NAV1: variants seen among roughly 807,000 people sequenced by gnomAD.
NAV1 encodes neuron navigator 1.
In NAV1, 18 loss-of-function variants were observed where a neutral mutation model predicts 175.2. That is an observed-to-expected ratio of 0.10 (90% CI 0.07 to 0.15). NAV1 has a LOEUF of 0.15. NAV1 is among the 10% of genes least tolerant of loss of function. The pLI is 1.00. For synonymous variants in NAV1, 897 were observed against 978.7 expected (o/e 0.92, Z 1.56); for missense variants, 1,731 against 2,436.6 (o/e 0.71, Z 6.10).
At chr1:201,755,517 T>C (rs1674400767) in intron 3 of NAV1, among the ~76,000 whole-genome samples, 1 of 152,124 alleles carries the variant, frequency 6.6e-6, no homozygotes, top group African/African-American at 2.4e-5. Context: ...TTAACTTAGT[T>C]TTTATTGTTA....
intron 3 of NAV1, among the ~76,000 whole-genome samples, chr1:201,719,291 C>G (rs1012904584): frequency 6.6e-6 from 1 of 152,038 alleles, no homozygotes; most frequent in African/African-American, 2.4e-5. Context: ...GCCAGGGGTT[C>G]GTAACCCCTC....
chr1:201,816,091 T>C (rs1162650448), intron 28 of NAV1, among the ~76,000 whole-genome samples: 1 of 151,816 alleles, frequency 6.6e-6, no homozygotes, highest in Non-Finnish European at 1.5e-5. Context: ...TGAGGTAAAG[T>C]CAGGTGCAGT....
At chr1:201,597,101 C>A (rs928741354) in intron 2 of NAV1, among the ~76,000 whole-genome samples, 2 of 152,194 alleles carry the variant, frequency 1.3e-5, no homozygotes, top group African/African-American at 4.8e-5. Context: ...GCTGGGATTA[C>A]AGACGTGAGC....
At chr1:201,801,416 C>G (rs190158495) in intron 15 of NAV1, among the ~76,000 whole-genome samples, 3 of 152,332 alleles carry the variant, frequency 2.0e-5, no homozygotes, top group Non-Finnish European at 4.4e-5. Flanking sequence ...CACTTTACTA[C>G]TCCCCTTCCT....
chr1:201,654,538 A>C (rs930786680), intron 1 of NAV1, among the ~76,000 whole-genome samples: 12 of 152,142 alleles, frequency 7.9e-5, no homozygotes, highest in Admixed American at 2.6e-4. Context: ...CCTGAGGGTG[A>C]AGGTGCAAGC....
intron 4 of NAV1, 87 bp from the exon 9 acceptor site, chr1:201,780,925 A>G (rs1165004572): frequency 1.4e-6 from 2 of 1,413,340 alleles, no homozygotes; most frequent in East Asian, 2.3e-5. Flanking sequence ...GAGCAGCGCC[A>G]GGTACTAACT....
intron 3 of NAV1, among the ~76,000 whole-genome samples, chr1:201,721,809 G>A (rs566236089): frequency 6.6e-6 from 1 of 152,268 alleles, no homozygotes; most frequent in East Asian, 1.9e-4. Context: ...ATCCGAGTGA[G>A]CCATAAAAGA....
At chr1:201,775,520 A>G (rs1053456029) in intron 3 of NAV1, among the ~76,000 whole-genome samples, 1 of 152,214 alleles carries the variant, frequency 6.6e-6, no homozygotes, top group African/African-American at 2.4e-5. Flanking sequence ...TGAGTGTCCC[A>G]GTCTTCCATA....
At chr1:201,553,923 C>T (rs1200239400) in intron 1 of NAV1, among the ~76,000 whole-genome samples, 5 of 152,180 alleles carry the variant, frequency 3.3e-5, no homozygotes, top group Non-Finnish European at 5.9e-5. Context: ...CGGTAGGATT[C>T]ACATCTATCC....
intron 1 of NAV1, among the ~76,000 whole-genome samples, chr1:201,650,661 G>C (rs1265619957): frequency 2.0e-5 from 3 of 152,344 alleles, no homozygotes; most frequent in East Asian, 3.9e-4. Flanking sequence ...GACCGGTTCG[G>C]CCTGCTGCAG....
Position 201,656,084 on chromosome 1 carries a change from C to T in NAV1, c.757+6659C>T, listed in dbSNP as rs116677023. On this transcript the variant is annotated intron_variant, in intron 1 of 29. Transcript: ENST00000367296. ...TCCCTGCCAGCGCTGTTGTATGTTG[C>T]GTGTTTGACACACACTTCTCCAACT... Among the ~76,000 whole-genome samples the T allele has an allele frequency of 5.0e-3, 762 of 152,328 alleles. 3 individuals carry two copies. The highest frequency in any genetic ancestry group is 0.017 in the African/African-American group (707 of 41,570).
At chr1:201,707,043 C>T (rs148288605) in intron 1 of NAV1, among the ~76,000 whole-genome samples, 255 of 152,232 alleles carry the variant, frequency 1.7e-3, no homozygotes, top group Non-Finnish European at 2.1e-3. Flanking sequence ...CCCAAGAGAA[C>T]GGGATTGAAG....
chr1:201,639,266 AAGG>A (rs1668685091), intron 2 of NAV1, among the ~76,000 whole-genome samples: 1 of 152,218 alleles, frequency 6.6e-6, no homozygotes, highest in African/African-American at 2.4e-5. Context: ...ACTGGCCTCT[AAGG>A]CAGCCAGATA....
chr1:201,543,702 T>G (rs1333458635), intron 1 of NAV1, among the ~76,000 whole-genome samples: 1 of 152,234 alleles, frequency 6.6e-6, no homozygotes, highest in Non-Finnish European at 1.5e-5. Flanking sequence ...TAGCCACTTC[T>G]AAATGTACAG....
chr1:201,812,326 T>C lies in NAV1; in HGVS notation c.5025-139T>C. On this transcript the variant is annotated intron_variant, in intron 26 of 29. Transcript: ENST00000367296. This position sits in a 1 kb window ranked among gnomAD's most constrained non-coding sequence, Gnocchi z 4.6. Reference sequence around the variant, plus strand: ...CCAGGGCTGCTGCTCTGAGTTCCGATGTCCCCACTATTACTTGAAAAGAAA... The same window carrying C: ...CCAGGGCTGCTGCTCTGAGTTCCGACGTCCCCACTATTACTTGAAAAGAAA... The C allele has an allele frequency of 1.4e-5, 11 of 814,362 alleles. No homozygotes were observed. In the South Asian group the frequency reaches 1.5e-4, roughly 11 times the overall value. The allele number at this position is 814,362 out of a possible 1,614,324, so 50.4% of individuals were successfully genotyped here.
chr1:201,674,866 A>G (rs1670182228), intron 1 of NAV1, among the ~76,000 whole-genome samples: 2 of 151,868 alleles, frequency 1.3e-5, no homozygotes, highest in Admixed American at 6.6e-5. Flanking sequence ...GTGAAACCCA[A>G]TCTCTACTAA....
chr1:201,628,976 A>T (rs1341271774), intron 1 of NAV1, among the ~76,000 whole-genome samples: 1 of 152,184 alleles, frequency 6.6e-6, no homozygotes, highest in African/African-American at 2.4e-5. Context: ...GGAATCAGTG[A>T]CTTCAGCTTC....
At chr1:201,569,550 A>G (rs1385524856) in intron 1 of NAV1, among the ~76,000 whole-genome samples, 1 of 152,170 alleles carries the variant, frequency 6.6e-6, no homozygotes, top group African/African-American at 2.4e-5. Flanking sequence ...TCTTTCTGCC[A>G]TCCTTCCCAG....
chr1:201,816,951 G>A, intron 28 of NAV1, 137 bp from the exon 33 acceptor site: 1 of 715,882 alleles, frequency 1.4e-6, no homozygotes, highest in Non-Finnish European at 2.3e-6. Flanking sequence ...TGGGATTACA[G>A]GCATGAGCCA....
Sources: gnomAD v4.1 joint callset for allele counts (sites outside exome capture counted in the v4.1 genomes callset) on GRCh38, gnomAD v4.1.1 for gene constraint, Gnocchi (gnomAD v3.1) non-coding constraint, MANE v1.5 for transcripts, NCBI Gene and HGNC (gene_info 2026-07-23, HGNC 2026-07-21) for gene names.